Variants in KCNB2 observed in about 807,000 individuals in gnomAD.
The protein encoded by KCNB2 is delayed rectifier potassium channel protein.
KCNB2 carries 15 observed loss-of-function variants against 61.5 expected under a neutral mutation model. The ratio of observed to expected loss-of-function variants is 0.24; its 90% CI spans 0.16 to 0.38. The LOEUF (loss-of-function observed/expected upper bound fraction) is 0.38. Ranked by LOEUF, KCNB2 falls within the 10% of genes least tolerant of loss-of-function variation. The pLI is 1.00. For missense variants in KCNB2, 828 were observed against 1,125.2 expected (o/e 0.74, Z 3.78); for synonymous variants, 457 against 446.0 (o/e 1.02, Z -0.31).
rs1413402802 is a variant in KCNB2 at position 72,748,720 on chromosome 8, ACT to A, written c.579+180410_579+180411del. Among the ~76,000 whole-genome samples, 5 of 142,726 alleles carry A rather than the reference ACT, an allele frequency of 3.5e-5. No homozygotes were observed. In the East Asian group the frequency reaches 1.0e-3, roughly 30 times the overall value. 93.6% of individuals were successfully genotyped at this position (142,726 alleles called of 152,430 possible). A position where few individuals can be genotyped will look rare whatever the true frequency, so the allele number is the denominator to read the frequency against. ...TAAATTTTATTTTTATAATTTATTT[ACT>A]CTTTCTTATTTTTATTGACAACAAT... is the stretch of plus-strand genomic sequence containing the variant. On this transcript the variant is annotated intron_variant, in intron 2 of 2. Transcript: ENST00000523207.
chr8:72,660,882 T>A (rs1393509599), intron 2 of KCNB2: 9 of 152,214 alleles, frequency 5.9e-5, no homozygotes. Context: ...CTCCTGGAGT[T>A]TTTGCATCTT....
chr8:72,725,529 A>G (rs375353692), intron 2 of KCNB2, among the ~76,000 whole-genome samples: 8,441 of 82,004 alleles, frequency 0.1, 937 homozygotes, highest in African/African-American at 0.28. Flanking sequence ...ATATATATAT[A>G]TATATATATA....
At chr8:72,550,073 T>G (rs1806320751) in intron 1 of KCNB2, among the ~76,000 whole-genome samples, 1 of 152,208 alleles carries the variant, frequency 6.6e-6, no homozygotes, top group Non-Finnish European at 1.5e-5. Flanking sequence ...CTCCCATCTC[T>G]TCATCCAGAA....
intron 2 of KCNB2, chr8:72,750,666 T>C (rs573860327): frequency 5.9e-5 from 9 of 152,302 alleles, no homozygotes; most frequent in African/African-American, 1.9e-4. Flanking sequence ...GGTTTTACTT[T>C]AGTTTGCTCA....
chr8:72,893,973 GT>G (rs2129006063), intron 2 of KCNB2, among the ~76,000 whole-genome samples: 1 of 152,282 alleles, frequency 6.6e-6, no homozygotes, highest in South Asian at 2.1e-4. Context: ...GCCAAGCACT[GT>G]TCTGGGCACA....
chr8:72,553,071 T>A lies in KCNB2; in HGVS notation c.-93-14571T>A, dbSNP rs552028197. Among the ~76,000 whole-genome samples the A allele has an allele frequency of 9.9e-5, 15 of 151,942 alleles. No homozygotes were observed. The South Asian group carries it at 1.0e-3, about 11-fold the overall frequency. On this transcript the variant is annotated intron_variant, in intron 1 of 2. Transcript: ENST00000523207. ...TCAGATCCTTAACAACAAAAAAATT[T>A]AAAAAAAACACACAGACCAAAATAC...
intron 2 of KCNB2, among the ~76,000 whole-genome samples, chr8:72,693,820 TTCAAGAACTA>T (rs1471428943): frequency 6.6e-6 from 1 of 152,178 alleles, no homozygotes; most frequent in Non-Finnish European, 1.5e-5. Context: ...ATTCCCTGCA[TTCAAGAACTA>T]TCAACCCTGC....
intron 2 of KCNB2, among the ~76,000 whole-genome samples, chr8:72,712,791 C>T (rs2128991947): frequency 6.6e-6 from 1 of 152,270 alleles, no homozygotes; most frequent in Non-Finnish European, 1.5e-5. Flanking sequence ...GTTCATCTCA[C>T]TGAGGAGTGC....
chr8:72,612,350 AGTAAAT>A (rs1271794835), intron 2 of KCNB2, among the ~76,000 whole-genome samples: 2 of 152,242 alleles, frequency 1.3e-5, no homozygotes, highest in Non-Finnish European at 2.9e-5. Context: ...ACTCAACTTT[AGTAAAT>A]GTAAACATAA....
At chr8:72,729,660 G>A (rs1475035454) in intron 2 of KCNB2, among the ~76,000 whole-genome samples, 1 of 152,164 alleles carries the variant, frequency 6.6e-6, no homozygotes, top group Non-Finnish European at 1.5e-5. Context: ...AACACGGGTG[G>A]ATCACCTGAG....
intron 1 of KCNB2, among the ~76,000 whole-genome samples, chr8:72,561,715 ATATATATATATATCTATATC>A (rs1289129574): frequency 0.014 from 345 of 24,456 alleles, 26 homozygotes; most frequent in African/African-American, 0.079. Flanking sequence ...ATATATATAT[ATATATATATATATCTATATC>A]TATATATATA....
At chr8:72,559,688 A>G (rs1563522767) in intron 1 of KCNB2, among the ~76,000 whole-genome samples, 1 of 152,196 alleles carries the variant, frequency 6.6e-6, no homozygotes. Flanking sequence ...ATTACCCTTT[A>G]CTGAAACAAA....
At chr8:72,616,316 T>C (rs921667210) in intron 2 of KCNB2, among the ~76,000 whole-genome samples, 4 of 152,204 alleles carry the variant, frequency 2.6e-5, no homozygotes, top group African/African-American at 9.7e-5. Context: ...ATTGTGCAAG[T>C]GGCATGCTTA....
At chr8:72,847,993 T>C (rs1405174359) in intron 2 of KCNB2, among the ~76,000 whole-genome samples, 2 of 152,206 alleles carry the variant, frequency 1.3e-5, no homozygotes, top group Admixed American at 6.5e-5. Context: ...CTCCTCACAG[T>C]AGATCACAAG....
chr8:72,854,177 A>G (rs775224364), intron 2 of KCNB2, among the ~76,000 whole-genome samples: 7 of 152,226 alleles, frequency 4.6e-5, no homozygotes, highest in Non-Finnish European at 7.3e-5. Flanking sequence ...GAAAGCTATT[A>G]TGGCATTCCC....
rs1194791513 is a variant in KCNB2 at position 72,790,162 on chromosome 8, G to A, written c.580-145773G>A. ...CACTAAATGCAATTCTGGAAGCCCA[G>A]GGAAAGAAGTCAGGGCTGGAAGTGG... On this transcript the variant is annotated intron_variant, in intron 2 of 2. Transcript: ENST00000523207. 2.6e-5 allele frequency among the ~76,000 whole-genome samples: 4 copies of A among 152,176 alleles called. No homozygotes were observed. The South Asian group carries it at 6.2e-4, about 24-fold the overall frequency.
chr8:72,607,527 C>A (rs1291642725), intron 2 of KCNB2, among the ~76,000 whole-genome samples: 1 of 152,056 alleles, frequency 6.6e-6, no homozygotes, highest in Non-Finnish European at 1.5e-5. Flanking sequence ...CTGGCAAATG[C>A]AAATATATTG....
intron 2 of KCNB2, among the ~76,000 whole-genome samples, chr8:72,867,543 G>A (rs1805548237): frequency 6.6e-6 from 1 of 152,156 alleles, no homozygotes; most frequent in African/African-American, 2.4e-5. Context: ...AATAAACAAT[G>A]GCTCTTGTTT....
chr8:72,621,850 C>T (rs1468823712), intron 2 of KCNB2, among the ~76,000 whole-genome samples: 2 of 152,046 alleles, frequency 1.3e-5, no homozygotes, highest in Non-Finnish European at 2.9e-5. Flanking sequence ...AAGTTGTCTC[C>T]CAGTTTAATG....
Sources: gnomAD v4.1 joint callset for allele counts (sites outside exome capture counted in the v4.1 genomes callset) on GRCh38, gnomAD v4.1.1 for gene constraint, MANE v1.5 for transcripts, NCBI Gene and HGNC (gene_info 2026-07-23, HGNC 2026-07-21) for gene names.